The following DIAPH1 variants were observed in gnomAD, a reference collection of about 807,000 sequenced individuals.
DIAPH1 encodes protein diaphanous homolog 1.
In DIAPH1, 46 loss-of-function variants were observed where a neutral mutation model predicts 140.7. The observed-to-expected ratio is 0.33, with a 90% CI of 0.26 to 0.42. The LOEUF (loss-of-function observed/expected upper bound fraction) is 0.42. Ranked by LOEUF, DIAPH1 falls within the 10% of genes least tolerant of loss-of-function variation. DIAPH1 has a pLI of 1.00. For synonymous variants in DIAPH1, 565 were observed against 551.6 expected (o/e 1.02, Z -0.34); for missense variants, 1,310 against 1,558.7 (o/e 0.84, Z 2.69).
intron 3 of DIAPH1, among the ~76,000 whole-genome samples, chr5:141,586,585 C>A (rs758536570): frequency 1.4e-4 from 21 of 152,220 alleles, no homozygotes; most frequent in African/African-American, 1.9e-4. Context: ...CTTTAAAGGT[C>A]TTCTAGCAAT....
intron 17 of DIAPH1, among the ~76,000 whole-genome samples, chr5:141,571,639 T>G (rs1178551148): frequency 6.6e-6 from 1 of 152,176 alleles, no homozygotes; most frequent in African/African-American, 2.4e-5. Context: ...TGTTCAAAAG[T>G]ATCAAAATGG....
intron 1 of DIAPH1, among the ~76,000 whole-genome samples, chr5:141,611,842 G>T (rs1165359509): frequency 6.6e-6 from 1 of 152,182 alleles, no homozygotes; most frequent in Non-Finnish European, 1.5e-5. Context: ...CCAGGCAGGT[G>T]GATCACCTGA....
chr5:141,593,331 A>T (rs2154596885), intron 1 of DIAPH1, among the ~76,000 whole-genome samples: 1 of 152,292 alleles, frequency 6.6e-6, no homozygotes, highest in South Asian at 2.1e-4. Context: ...GTTTGTTCTC[A>T]GAAGAGGGTA....
At chr5:141,578,061 T>C (rs1288369426) in intron 11 of DIAPH1, 164 bp downstream of exon 11, 6 of 719,256 alleles carry the variant, frequency 8.3e-6, no homozygotes, top group African/African-American at 1.7e-5. Flanking sequence ...ATAAGCTAAG[T>C]AAAGCCAGCG....
At chr5:141,610,000 T>C (rs2099901555) in intron 1 of DIAPH1, among the ~76,000 whole-genome samples, 2 of 152,160 alleles carry the variant, frequency 1.3e-5, no homozygotes, top group Non-Finnish European at 2.9e-5. Flanking sequence ...ATACAAGTTC[T>C]AGAAGAAAAG....
At chr5:141,584,318 G>C in intron 3 of DIAPH1, 93 bp from the exon 4 acceptor site, 2 of 736,296 alleles carry the variant, frequency 2.7e-6, no homozygotes, top group South Asian at 2.9e-5. Flanking sequence ...GTGAAGAGTT[G>C]AGCATGTAAA....
chr5:141,603,503 C>A (rs2099900474), intron 1 of DIAPH1, among the ~76,000 whole-genome samples: 1 of 152,186 alleles, frequency 6.6e-6, no homozygotes, highest in South Asian at 2.1e-4. Flanking sequence ...AAATCAGCAT[C>A]TTTTTCCTAA....
intron 18 of DIAPH1, among the ~76,000 whole-genome samples, chr5:141,542,942 C>G (rs1008231732): frequency 6.6e-6 from 1 of 151,928 alleles, no homozygotes; most frequent in Non-Finnish European, 1.5e-5. Flanking sequence ...TATTAGATAA[C>G]AGTATCCTAT....
intron 23 of DIAPH1, among the ~76,000 whole-genome samples, chr5:141,528,107 TTTTC>T (rs1210314077): frequency 4.6e-5 from 7 of 152,182 alleles, no homozygotes; most frequent in Non-Finnish European, 1.0e-4. Context: ...GAATGCTGCT[TTTTC>T]TTTGTCTAGT....
At position 141,575,063 on chromosome 5, in the gene DIAPH1, A is replaced by G. The variant is rs2099895755; in HGVS notation, c.1545T>C (p.Asp515=). ...GCAGTGCATCTTTTTCTCCCTGAAG[A>G]TCTTGAAGCTTCTGCTCAAAGTCAC... The part of the protein sequence containing the change: ...MESDFEQKLQ[D]LQGEKDALHS... Residue 515 remains aspartate, a synonymous_variant, in exon 15 of 28, where the codon GAT becomes GAC. Coordinates refer to ENST00000389054, the MANE Select transcript of DIAPH1 (RefSeq NM_005219.5). 6.2e-7 allele frequency: 1 copy of G among 1,614,106 alleles called. No individual in the cohort carries two copies. Among genetic ancestry groups the G allele is most frequent in the African/African-American group, 1.3e-5 (1 of 75,016 alleles).
At chr5:141,535,919 A>C (rs1459560975) in intron 18 of DIAPH1, 1 of 404,252 alleles carries the variant, frequency 2.5e-6, no homozygotes, top group African/African-American at 2.1e-5. Context: ...TTTGAATTTT[A>C]AACCACATGA....
intron 17 of DIAPH1, chr5:141,571,689 A>C (rs1450868336): frequency 1.5e-6 from 1 of 663,086 alleles, no homozygotes. Context: ...CATATCCCTA[A>C]CAAGTTATAC....
intron 18 of DIAPH1, among the ~76,000 whole-genome samples, chr5:141,550,146 T>TA (rs566137403): frequency 9.4e-5 from 14 of 149,058 alleles, no homozygotes; most frequent in African/African-American, 2.9e-4. Context: ...CTATACTGAT[T>TA]AAAAAAAAAA....
At chr5:141,590,967 T>TA (rs1375164481) in intron 1 of DIAPH1, among the ~76,000 whole-genome samples, 1 of 152,180 alleles carries the variant, frequency 6.6e-6, no homozygotes, top group Non-Finnish European at 1.5e-5. Flanking sequence ...GAAATCTTTC[T>TA]AAAATGCCAA....
intron 1 of DIAPH1, among the ~76,000 whole-genome samples, chr5:141,614,676 T>C (rs929106054): frequency 2.0e-5 from 3 of 152,216 alleles, no homozygotes; most frequent in African/African-American, 7.2e-5. Context: ...AGTAGACTCA[T>C]GATCTGTCCT....
At chr5:141,559,200 G>A (rs143790266) in intron 18 of DIAPH1, among the ~76,000 whole-genome samples, 1 of 152,262 alleles carries the variant, frequency 6.6e-6, no homozygotes, top group East Asian at 1.9e-4. Context: ...ATAAGAAGCT[G>A]CCCAAATGGA....
chr5:141,574,128 A>G lies in DIAPH1; in HGVS notation c.1722T>C (p.Pro574=). ...GAACAGGAGCACGACTAGGAACAGAAGGAGGTACAGTAATAGCTGCCGCAG... is the reference window on the plus strand; with the variant it reads ...GAACAGGAGCACGACTAGGAACAGAGGGAGGTACAGTAATAGCTGCCGCAG... The part of the protein sequence containing the change: ...SLSAAAITVP[P]SVPSRAPVPP... The change falls in exon 16 of 28, where the codon CCT becomes CCC. Residue 574 remains proline, a synonymous_variant. Coordinates refer to ENST00000389054, the MANE Select transcript of DIAPH1 (RefSeq NM_005219.5). 2 of 1,614,074 alleles carry G rather than the reference A, an allele frequency of 1.2e-6. No individual in the cohort carries two copies. Among genetic ancestry groups the G allele is most frequent in the Non-Finnish European group, 1.7e-6 (2 of 1,180,000 alleles).
chr5:141,517,359 G>T (rs2099885841), intron 27 of DIAPH1, among the ~76,000 whole-genome samples: 1 of 152,218 alleles, frequency 6.6e-6, no homozygotes, highest in Admixed American at 6.5e-5. Context: ...TAATAGGGAT[G>T]TTGGAATTAA....
rs890964408 is a variant in DIAPH1 at position 141,534,027 on chromosome 5, G to A, written c.2581+308C>T. On this transcript the variant is annotated intron_variant, in intron 19 of 27. Coordinates refer to ENST00000389054, the MANE Select transcript of DIAPH1 (RefSeq NM_005219.5). Reference sequence around the variant, plus strand: ...GCATGGGCAACAGAGTGGTGAGACTGTGTCTCAAAAAAAAAAAAAAAAAAA... The same window carrying A: ...GCATGGGCAACAGAGTGGTGAGACTATGTCTCAAAAAAAAAAAAAAAAAAA... Among the ~76,000 whole-genome samples, 6 of 107,576 alleles carry A rather than the reference G, an allele frequency of 5.6e-5. No homozygotes were observed. In the East Asian group the frequency reaches 1.4e-3, roughly 26 times the overall value. The allele number at this position is 107,576 out of a possible 152,430, so 70.6% of individuals were successfully genotyped here.
Sources: gnomAD v4.1 joint callset for allele counts (sites outside exome capture counted in the v4.1 genomes callset) on GRCh38, gnomAD v4.1.1 for gene constraint, MANE v1.5 for transcripts, NCBI Gene and HGNC (gene_info 2026-07-23, HGNC 2026-07-21) for gene names.